FAF1: variants seen among roughly 807,000 people sequenced by gnomAD.
FAF1 encodes the protein Fas associated factor 1, also known as FAS-associated factor 1.
Under a neutral mutation model 92.5 loss-of-function variants are expected in FAF1, and 25 were observed. That is an observed-to-expected ratio of 0.27 (90% CI 0.20 to 0.38). The LOEUF (loss-of-function observed/expected upper bound fraction) is 0.38, where lower values mean the gene tolerates loss of function less well. FAF1 is among the 10% of genes least tolerant of loss of function. FAF1 has a pLI of 1.00. For missense variants in FAF1, 636 were observed against 793.3 expected (o/e 0.80, Z 2.38); for synonymous variants, 234 against 273.2 (o/e 0.86, Z 1.42).
At chr1:50,907,386 T>C (rs1002398527) in intron 1 of FAF1, among the ~76,000 whole-genome samples, 4 of 152,230 alleles carry the variant, frequency 2.6e-5, no homozygotes, top group Admixed American at 2.6e-4. Flanking sequence ...AGGATGACGC[T>C]GGCCTCATAA....
chr1:50,721,164 T>C (rs571438992), intron 6 of FAF1, among the ~76,000 whole-genome samples: 2 of 152,200 alleles, frequency 1.3e-5, no homozygotes, highest in African/African-American at 4.8e-5. Context: ...TAAAGCACTT[T>C]GGGAAATTTT....
chr1:50,932,965 A>G (rs760931511), intron 1 of FAF1, among the ~76,000 whole-genome samples: 1 of 152,208 alleles, frequency 6.6e-6, no homozygotes, highest in African/African-American at 2.4e-5. Flanking sequence ...CCCAAGCTCT[A>G]TGTTGGCCCA....
At chr1:50,779,920 A>AAAAAAG (rs1007408610) in intron 4 of FAF1, among the ~76,000 whole-genome samples, 134 of 151,984 alleles carry the variant, frequency 8.8e-4, no homozygotes, top group African/African-American at 3.2e-3. Context: ...CTGTCTCTTA[A>AAAAAAG]AAAAAGAAAA....
intron 12 of FAF1, among the ~76,000 whole-genome samples, chr1:50,577,278 A>G (rs1309196661): frequency 6.6e-6 from 1 of 152,142 alleles, no homozygotes; most frequent in African/African-American, 2.4e-5. Context: ...TAATCCCAGC[A>G]CTCTGGGAGG....
At chr1:50,648,417 A>G (rs1654695728) in intron 8 of FAF1, among the ~76,000 whole-genome samples, 1 of 152,238 alleles carries the variant, frequency 6.6e-6, no homozygotes, top group South Asian at 2.1e-4. Flanking sequence ...TATTTAGCTA[A>G]AGCTGAGACA....
chr1:50,910,347 G>A (rs1570129642), intron 1 of FAF1, among the ~76,000 whole-genome samples: 1 of 152,228 alleles, frequency 6.6e-6, no homozygotes, highest in Admixed American at 6.5e-5. Flanking sequence ...CACTTGAGGA[G>A]GCAGTCTGTC....
intron 12 of FAF1, among the ~76,000 whole-genome samples, chr1:50,581,260 C>T (rs1472211164): frequency 6.6e-6 from 1 of 152,098 alleles, no homozygotes; most frequent in African/African-American, 2.4e-5. Context: ...ATTCATTAGA[C>T]TGTCAATTAT....
intron 14 of FAF1, among the ~76,000 whole-genome samples, chr1:50,537,029 G>A (rs1489262542): frequency 6.6e-6 from 1 of 152,114 alleles, no homozygotes; most frequent in African/African-American, 2.4e-5. Context: ...CAGGTCTCAA[G>A]TGATCCTCCC....
chr1:50,785,548 G>A (rs1000383250), intron 4 of FAF1, among the ~76,000 whole-genome samples: 1 of 149,780 alleles, frequency 6.7e-6, no homozygotes, highest in Non-Finnish European at 1.5e-5. Context: ...TCACTAATCA[G>A]ACAAATATAA....
At chr1:50,907,635 C>A (rs1644850604) in intron 1 of FAF1, among the ~76,000 whole-genome samples, 1 of 152,076 alleles carries the variant, frequency 6.6e-6, no homozygotes, top group Non-Finnish European at 1.5e-5. Flanking sequence ...GGAATTTATC[C>A]ATTTCTTCTA....
chr1:50,791,908 A>G lies in FAF1; in HGVS notation c.162-3703T>C, dbSNP rs543080293. ...TCCCAGGAAACATACTTTCAAGGACAAGATTCAAGAATTGGCTTGATTATG... is the reference window on the plus strand; with the variant it reads ...TCCCAGGAAACATACTTTCAAGGACGAGATTCAAGAATTGGCTTGATTATG... On this transcript the variant is annotated intron_variant, in intron 3 of 18. Transcript: ENST00000396153. Among the ~76,000 whole-genome samples the G allele has an allele frequency of 8.5e-5, 13 of 152,356 alleles. No individual in the cohort carries two copies. The East Asian group carries it at 2.5e-3, about 29-fold the overall frequency.
chr1:50,642,259 C>T (rs1193954082), intron 8 of FAF1, among the ~76,000 whole-genome samples: 2 of 151,066 alleles, frequency 1.3e-5, no homozygotes, highest in Non-Finnish European at 2.9e-5. Context: ...TCACAGTCAT[C>T]CCAAATTTCT....
intron 8 of FAF1, among the ~76,000 whole-genome samples, chr1:50,630,028 A>C (rs1382255396): frequency 6.6e-6 from 1 of 151,994 alleles, no homozygotes; most frequent in Non-Finnish European, 1.5e-5. Flanking sequence ...ACTGCACTCC[A>C]GCCTGGCGAC....
chr1:50,580,758 T>C (rs911450436), intron 12 of FAF1, among the ~76,000 whole-genome samples: 4 of 152,204 alleles, frequency 2.6e-5, no homozygotes, highest in Admixed American at 6.5e-5. Context: ...GAATACTTTC[T>C]CTTTGCTTTT....
rs565700439 is a variant in FAF1, at chr1:50,739,349, CAT to C, written c.460-397_460-396del. 9.5e-4 allele frequency among the ~76,000 whole-genome samples: 144 copies of C among 151,918 alleles called. 1 individual carries two copies. Among genetic ancestry groups the C allele is most frequent in the Non-Finnish European group, 1.5e-3 (105 of 67,926 alleles). On this transcript the variant is annotated intron_variant, in intron 5 of 18. Transcript: ENST00000396153. ...ACATGTGTACACGTACATGCATATACATGTGTACATGTGTACACGTACATACA... is the reference window on the plus strand; with the variant it reads ...ACATGTGTACACGTACATGCATATACGTGTACATGTGTACACGTACATACA...
At chr1:50,951,820 T>A (rs1645216303) in intron 1 of FAF1, among the ~76,000 whole-genome samples, 1 of 152,218 alleles carries the variant, frequency 6.6e-6, no homozygotes, top group Admixed American at 6.5e-5. Flanking sequence ...AAAAGATATC[T>A]GTTTGGATCA....
At chr1:50,831,560 G>C (rs924001747) in intron 2 of FAF1, among the ~76,000 whole-genome samples, 1 of 152,138 alleles carries the variant, frequency 6.6e-6, no homozygotes, top group Admixed American at 6.5e-5. Flanking sequence ...TTAAATGTCT[G>C]TTGAGCAAAT....
At chr1:50,676,505 A>G (rs889797268) in intron 7 of FAF1, among the ~76,000 whole-genome samples, 1 of 151,848 alleles carries the variant, frequency 6.6e-6, no homozygotes, top group Admixed American at 6.6e-5. Context: ...CAATGTAACA[A>G]TCACCCTGGA....
intron 18 of FAF1, 78 bp from the exon 19 acceptor site, chr1:50,441,601 C>T (rs1354667223): frequency 7.1e-6 from 5 of 706,792 alleles, no homozygotes; most frequent in South Asian, 2.4e-5. Flanking sequence ...TTTATCTATG[C>T]ACACTGATTC....
Sources: allele counts gnomAD v4.1 joint callset (sites outside exome capture counted in the v4.1 genomes callset), GRCh38; gene constraint gnomAD v4.1.1; transcripts MANE v1.5; gene names NCBI Gene and HGNC (gene_info 2026-07-23, HGNC 2026-07-21).